Variants in ASIC2 observed in about 807,000 individuals in gnomAD.
The protein encoded by ASIC2 is acid-sensing ion channel 2.
In ASIC2, 25 loss-of-function variants were observed where a neutral mutation model predicts 57.3. The observed-to-expected ratio is 0.44, with a 90% CI of 0.32 to 0.61. The LOEUF (loss-of-function observed/expected upper bound fraction) is 0.61. Among genes scored for constraint, ASIC2 ranks in the 20% least tolerant of loss-of-function variants. The probability of loss-of-function intolerance (pLI) is 0.06; values close to 1 mark genes in which losing one functional copy is unlikely to be tolerated. For missense variants in ASIC2, 641 were observed against 738.1 expected, an observed-to-expected ratio of 0.87 and a Z score of 1.52; for synonymous variants, 319 against 307.5, an observed-to-expected ratio of 1.04 and a Z score of -0.39.
chr17:33,216,353 T>C (rs1271526761), intron 1 of ASIC2, among the ~76,000 whole-genome samples: 1 of 152,198 alleles, frequency 6.6e-6, no homozygotes, highest in Non-Finnish European at 1.5e-5. Flanking sequence ...CTGTGCTCTA[T>C]GGATGCTGAG....
In ASIC2 at chr17:33,990,847, CAAAT is replaced by C. The variant is rs554534517; in HGVS notation, c.555+165127_555+165130del. ...AACATCTCTCCCACAGCATTAAACA[CAAAT>C]AAAAAAATTTCAAATAAATGAACTA... On this transcript the variant is annotated intron_variant, in intron 1 of 9. Coordinates refer to the ASIC2 transcript ENST00000359872. Among the ~76,000 whole-genome samples the C allele has an allele frequency of 1.7e-3, 254 of 152,202 alleles. 1 individual carries two copies. The highest frequency in any genetic ancestry group is 3.0e-3 in the Admixed American group (46 of 15,280).
At chr17:33,469,612 G>T (rs575331862) in intron 1 of ASIC2, among the ~76,000 whole-genome samples, 1 of 152,310 alleles carries the variant, frequency 6.6e-6, no homozygotes, top group East Asian at 1.9e-4. Flanking sequence ...AAGAGTCTCA[G>T]CTGTGGACTC....
At chr17:33,770,336 C>T (rs571139084) in intron 1 of ASIC2, among the ~76,000 whole-genome samples, 2 of 152,196 alleles carry the variant, frequency 1.3e-5, no homozygotes, top group African/African-American at 2.4e-5. Context: ...CTCTGTAAAG[C>T]GAAAGCTGGC....
chr17:33,423,169 T>C (rs1333097159), intron 1 of ASIC2, among the ~76,000 whole-genome samples: 2 of 152,224 alleles, frequency 1.3e-5, no homozygotes, highest in Non-Finnish European at 2.9e-5. Context: ...AAAATACTGA[T>C]TCCAGGACCA....
chr17:33,332,215 C>T (rs1907341709), intron 1 of ASIC2, among the ~76,000 whole-genome samples: 1 of 152,200 alleles, frequency 6.6e-6, no homozygotes, highest in African/African-American at 2.4e-5. Context: ...AATACTAGAG[C>T]TACTTGCTAC....
chr17:33,335,303 G>T (rs895938006), intron 1 of ASIC2, among the ~76,000 whole-genome samples: 3 of 152,170 alleles, frequency 2.0e-5, no homozygotes, highest in African/African-American at 7.2e-5. Context: ...GAAAACAAAA[G>T]TATAGTAATA....
At chr17:33,627,957 G>C (rs1350460895) in intron 1 of ASIC2, among the ~76,000 whole-genome samples, 1 of 152,108 alleles carries the variant, frequency 6.6e-6, no homozygotes, top group Admixed American at 6.5e-5. Flanking sequence ...GTGAACCTGG[G>C]AGGCGGAGCT....
At chr17:33,302,133 G>A (rs1423920814) in intron 1 of ASIC2, among the ~76,000 whole-genome samples, 3 of 152,194 alleles carry the variant, frequency 2.0e-5, no homozygotes, top group Non-Finnish European at 2.9e-5. Flanking sequence ...TATCAGTTTA[G>A]ATAACTGAGT....
At chr17:33,279,648 G>A (rs995255202) in intron 1 of ASIC2, among the ~76,000 whole-genome samples, 1 of 152,172 alleles carries the variant, frequency 6.6e-6, no homozygotes, top group Non-Finnish European at 1.5e-5. Context: ...AACACTTTGG[G>A]AGGCTGAGGT....
At chr17:33,408,927 G>A (rs1910560563) in intron 1 of ASIC2, among the ~76,000 whole-genome samples, 2 of 152,194 alleles carry the variant, frequency 1.3e-5, no homozygotes, top group Non-Finnish European at 2.9e-5. Context: ...GAATATTCCA[G>A]TCCTGGCTGG....
chr17:34,080,547 C>G (rs952772121), intron 1 of ASIC2, among the ~76,000 whole-genome samples: 1 of 152,186 alleles, frequency 6.6e-6, no homozygotes, highest in African/African-American at 2.4e-5. Flanking sequence ...TGTGAGGCCC[C>G]ATGTTGGGCT....
chr17:33,345,233 G>A (rs1169521141), intron 1 of ASIC2, among the ~76,000 whole-genome samples: 2 of 152,130 alleles, frequency 1.3e-5, no homozygotes, highest in African/African-American at 2.4e-5. Flanking sequence ...GAGATTAGCA[G>A]TTTTTCCCCT....
rs905041309 is a variant in ASIC2 at position 33,622,639 on chromosome 17, A to G, written c.556-510572T>C. ...ATATCTAGGTACATTACTTGTTTAA[A>G]GAAAGATGGAAGGAAGGTAGATATT... On this transcript the variant is annotated intron_variant, in intron 1 of 9. Coordinates refer to the ASIC2 transcript ENST00000359872. Among the ~76,000 whole-genome samples the G allele has an allele frequency of 3.6e-4, 55 of 152,212 alleles. 1 individual carries two copies. Among genetic ancestry groups the G allele is most frequent in the African/African-American group, 1.3e-3 (55 of 41,458 alleles).
intron 3 of ASIC2, among the ~76,000 whole-genome samples, chr17:33,048,885 C>T (rs1042594717): frequency 2.9e-4 from 44 of 152,144 alleles, no homozygotes; most frequent in Admixed American, 2.0e-3. Context: ...TCTGGTCCTA[C>T]GTATTATTTT....
chr17:33,300,849 T>G (rs1038621047), intron 1 of ASIC2, among the ~76,000 whole-genome samples: 1 of 152,102 alleles, frequency 6.6e-6, no homozygotes, highest in African/African-American at 2.4e-5. Context: ...TTAACTAAGA[T>G]AGGAAATTGA....
chr17:33,923,800 TGA>T (rs1915761498), intron 1 of ASIC2, among the ~76,000 whole-genome samples: 1 of 152,084 alleles, frequency 6.6e-6, no homozygotes, highest in African/African-American at 2.4e-5. Flanking sequence ...TAGTAGAGTA[TGA>T]GAGGGGAGGA....
chr17:33,147,520 T>G lies in ASIC2; in HGVS notation c.709-35453A>C, dbSNP rs142002472. Reference sequence around the variant, plus strand: ...GTGTTTGGGCCAGAGGAAGTGTTGTTCTCTCTAACAAGTTTCAATTCAGTA... The same window carrying G: ...GTGTTTGGGCCAGAGGAAGTGTTGTGCTCTCTAACAAGTTTCAATTCAGTA... On this transcript the variant is annotated intron_variant, in intron 1 of 9. Coordinates refer to ENST00000225823, the MANE Select transcript of ASIC2 (RefSeq NM_183377.2). Among the ~76,000 whole-genome samples the G allele has an allele frequency of 4.6e-3, 690 of 151,642 alleles. 3 individuals carry two copies. Among genetic ancestry groups the G allele is most frequent in the South Asian group, 0.026 (126 of 4,822 alleles).
At position 33,094,880 on chromosome 17, in the gene ASIC2, G is replaced by C. The variant is rs117464975; in HGVS notation, c.860-5890C>G. On this transcript the variant is annotated intron_variant, in intron 2 of 9. Coordinates refer to ENST00000225823, the MANE Select transcript of ASIC2 (RefSeq NM_183377.2). The stretch of plus-strand genomic sequence containing the variant: ...GCAGAAATGCAGACCTCTTGTACCT[G>C]GAGCATCAGAACCAGAGAGAGCCTA... Among the ~76,000 whole-genome samples the C allele has an allele frequency of 3.6e-3, 555 of 152,298 alleles. 1 individual carries two copies. The highest frequency in any genetic ancestry group is 5.6e-3 in the Non-Finnish European group (383 of 68,032).
Position 33,359,786 on chromosome 17 carries a change from G to A in ASIC2, c.556-247719C>T, listed in dbSNP as rs374261461. On this transcript the variant is annotated intron_variant, in intron 1 of 9. Coordinates refer to the ASIC2 transcript ENST00000359872. Reference sequence around the variant, plus strand: ...CTCCCAGAATACAGATGTGATGGGTGATGCTCCAGCAGGCATCTGGGGCTA... The same window carrying A: ...CTCCCAGAATACAGATGTGATGGGTAATGCTCCAGCAGGCATCTGGGGCTA... 1.7e-4 allele frequency among the ~76,000 whole-genome samples: 26 copies of A among 152,260 alleles called. No homozygotes were observed. In the South Asian group the frequency reaches 3.1e-3, roughly 18 times the overall value.
Sources: gnomAD v4.1 joint callset for allele counts (sites outside exome capture counted in the v4.1 genomes callset) on GRCh38, gnomAD v4.1.1 for gene constraint, MANE v1.5 for transcripts, NCBI Gene and HGNC (gene_info 2026-07-23, HGNC 2026-07-21) for gene names.